LDAF1: variants seen among roughly 807,000 people sequenced by gnomAD.
The protein encoded by LDAF1 is lipid droplet assembly factor 1.
Under a neutral mutation model 13.5 loss-of-function variants are expected in LDAF1, and 7 were observed. The observed-to-expected ratio is 0.52, with a 90% CI of 0.29 to 0.97. LDAF1 has a LOEUF of 0.97. LDAF1 is among the 50% of genes least tolerant of loss of function. The pLI is 0.07. For missense variants in LDAF1, 148 were observed against 193.2 expected (o/e 0.77, Z 1.39); for synonymous variants, 69 against 77.1 (o/e 0.89, Z 0.55).
chr16:21,170,748 C>T lies in LDAF1; in HGVS notation c.265+143C>T, dbSNP rs368533319. Reference sequence around the variant, plus strand: ...CTCAAACTCCTGGGCTCAAGTGATCCTCCCACGTCGGCCTGCCAAAGTGCT... The same window carrying T: ...CTCAAACTCCTGGGCTCAAGTGATCTTCCCACGTCGGCCTGCCAAAGTGCT... On this transcript the variant is annotated intron_variant, in intron 3 of 4. Coordinates refer to ENST00000233047, the MANE Select transcript of LDAF1 (RefSeq NM_001301771.2). The T allele has an allele frequency of 1.9e-4, 185 of 986,050 alleles. 6 individuals are homozygous for T. The South Asian group carries it at 2.2e-3, about 12-fold the overall frequency. 61.1% of individuals were successfully genotyped at this position (986,050 alleles called of 1,614,324 possible).
At chr16:21,168,759 A>ATTATAAATATTTTTATATTTATATTT (rs1382891930) in intron 2 of LDAF1, among the ~76,000 whole-genome samples, 3 of 132,518 alleles carry the variant, frequency 2.3e-5, no homozygotes, top group African/African-American at 5.7e-5. Context: ...ATATATTATA[A>ATTATAAATATTTTTATATTTATATTT]TTATAAATAT....
chr16:21,159,998 G>GT (rs1354244230), intron 1 of LDAF1: 1 of 983,860 alleles, frequency 1.0e-6, no homozygotes, highest in African/African-American at 1.8e-5. Flanking sequence ...AGGGTTTCTT[G>GT]TTTTACAAAA....
intron 2 of LDAF1, among the ~76,000 whole-genome samples, chr16:21,161,935 A>G (rs1248688702): frequency 1.3e-5 from 2 of 152,134 alleles, no homozygotes; most frequent in Non-Finnish European, 2.9e-5. Context: ...AGGTGGGTGG[A>G]TCACTTGAGA....
rs771794455 is a variant in LDAF1, at chr16:21,174,078, G to A, written c.334G>A (p.Ala112Thr). 69 of 1,613,900 alleles carry A rather than the reference G, an allele frequency of 4.3e-5. No homozygotes were observed. Among genetic ancestry groups the A allele is most frequent in the East Asian group, 6.7e-5 (3 of 44,888 alleles). ...ILCGLGFVSL[A>T]MSGMMIASYV... ...CTGTGGTTTGGGCTTCGTATCACTC[G>A]CCATGTCGGGGATGATGATAGCATC... is the stretch of plus-strand genomic sequence containing the variant. Residue 112 changes from alanine to threonine, a missense_variant, in exon 4 of 5, where the codon GCC becomes ACC. Transcript: ENST00000233047.
chr16:21,179,281 C>G (rs2093163706), intron 4 of LDAF1, 194 bp from the exon 5 acceptor site: 7 of 858,176 alleles, frequency 8.2e-6, no homozygotes, highest in Middle Eastern at 5.9e-4. Flanking sequence ...GGCCGTAACC[C>G]TACTCCTAAC....
At chr16:21,163,840 C>T (rs1315775546) in intron 2 of LDAF1, among the ~76,000 whole-genome samples, 3 of 136,292 alleles carry the variant, frequency 2.2e-5, no homozygotes, top group East Asian at 2.3e-4. Flanking sequence ...TTAATAGTCA[C>T]GTTCACCTGC....
intron 1 of LDAF1, chr16:21,160,055 A>G (rs2092950974): frequency 1.3e-6 from 1 of 748,416 alleles, no homozygotes; most frequent in Non-Finnish European, 1.6e-6. Flanking sequence ...AATGTGCTTT[A>G]ATTTGCATAC....
In LDAF1 at chr16:21,170,359, C is replaced by A. The variant is rs2093074885; in HGVS notation, c.97-78C>A. 3.2e-6 allele frequency: 5 copies of A among 1,587,126 alleles called. No homozygotes were observed. The East Asian group carries it at 9.0e-5, about 28-fold the overall frequency. On this transcript the variant is annotated intron_variant, in intron 2 of 4. Transcript: ENST00000233047. The stretch of plus-strand genomic sequence containing the variant: ...GCTTTACGACTTCTGCCTTGTAATT[C>A]CCACAGCTTGGGCAGATTCATTCAA...
rs916440794 is a variant in LDAF1 at position 21,168,707 on chromosome 16, AATT to A, written c.97-1727_97-1725del. Among the ~76,000 whole-genome samples, 391 of 130,566 alleles carry A rather than the reference AATT, an allele frequency of 3.0e-3. 1 individual carries two copies. Among genetic ancestry groups the A allele is most frequent in the African/African-American group, 0.012 (371 of 31,750 alleles). 85.7% of individuals were successfully genotyped at this position (130,566 alleles called of 152,430 possible). On this transcript the variant is annotated intron_variant, in intron 2 of 4. Transcript: ENST00000233047. ...ACATTACAATTATATTTTTATATAT[AATT>A]ATATATATATTTTTAATATTATATT...
At chr16:21,166,843 C>A (rs2093028777) in intron 2 of LDAF1, 1 of 1,535,584 alleles carries the variant, frequency 6.5e-7, no homozygotes, top group African/African-American at 1.4e-5. Context: ...CTTTCAGCTG[C>A]CCCAACACAG....
intron 3 of LDAF1, among the ~76,000 whole-genome samples, chr16:21,172,113 C>T (rs2093094134): frequency 6.6e-6 from 1 of 151,010 alleles, no homozygotes; most frequent in Non-Finnish European, 1.5e-5. Context: ...TTCAAGACCA[C>T]TCTGGGCAAC....
intron 2 of LDAF1, among the ~76,000 whole-genome samples, chr16:21,163,305 A>G (rs1245131802): frequency 1.3e-5 from 2 of 152,186 alleles, no homozygotes; most frequent in Non-Finnish European, 1.5e-5. Flanking sequence ...TGTACGTGGC[A>G]GGTGACTCCA....
chr16:21,179,630 A>T lies in LDAF1; in HGVS notation c.*74A>T. 8 of 1,388,486 alleles carry T rather than the reference A, an allele frequency of 5.8e-6. No individual in the cohort carries two copies. Among genetic ancestry groups the T allele is most frequent in the Non-Finnish European group, 7.0e-6 (7 of 997,136 alleles). The allele number at this position is 1,388,486 out of a possible 1,614,324, so 86.0% of individuals were successfully genotyped here. A position where few individuals can be genotyped will look rare whatever the true frequency, so the allele number is the denominator to read the frequency against. ...TCACCCCTTGGGATTATGGCTTAGA[A>T]GAAGGGGGCTGGGTAGGCAAGCACT... On this transcript the variant is annotated 3_prime_UTR_variant, in exon 5 of 5. Coordinates refer to ENST00000233047, the MANE Select transcript of LDAF1 (RefSeq NM_001301771.2).
At chr16:21,165,600 C>T (rs2093016516) in intron 2 of LDAF1, 1 of 983,912 alleles carries the variant, frequency 1.0e-6, no homozygotes, top group African/African-American at 1.7e-5. Context: ...CTGGACTTGA[C>T]CACAGTATAT....
chr16:21,172,823 G>A, intron 3 of LDAF1: 7 of 985,360 alleles, frequency 7.1e-6, no homozygotes, highest in Non-Finnish European at 7.2e-6. Context: ...TTATGAACAG[G>A]CAGCACACCT....
In LDAF1 at chr16:21,180,524, GCCAC is replaced by G. The variant is rs1225436616; in HGVS notation, c.*969_*972del. The G allele has an allele frequency of 6.6e-6, 1 of 152,206 alleles. No individual in the cohort carries two copies. The highest frequency in any genetic ancestry group is 2.4e-5 in the African/African-American group (1 of 41,438). The allele number at this position is 152,206 out of a possible 1,614,324, so 9.4% of individuals were successfully genotyped here. On this transcript the variant is annotated 3_prime_UTR_variant, in exon 5 of 5. Coordinates refer to ENST00000233047, the MANE Select transcript of LDAF1 (RefSeq NM_001301771.2). Reference sequence around the variant, plus strand: ...CAAAGTGCTGGGATTACAGGCGTGAGCCACTGTGCCCAGCCTAAGCCATTTCTTA... The same window carrying G: ...CAAAGTGCTGGGATTACAGGCGTGAGTGTGCCCAGCCTAAGCCATTTCTTA...
intron 2 of LDAF1, among the ~76,000 whole-genome samples, chr16:21,165,920 C>G (rs1264494171): frequency 1.3e-5 from 2 of 152,194 alleles, no homozygotes; most frequent in African/African-American, 4.8e-5. Flanking sequence ...AGTACAGTGG[C>G]GTGATCTCGG....
intron 2 of LDAF1, among the ~76,000 whole-genome samples, chr16:21,168,802 A>G (rs2093053895): frequency 7.6e-6 from 1 of 132,014 alleles, no homozygotes; most frequent in South Asian, 2.2e-4. Flanking sequence ...ATATAATTAT[A>G]TTTTTATATA....
At chr16:21,163,489 AC>A (rs1012257295) in intron 2 of LDAF1, among the ~76,000 whole-genome samples, 26 of 152,258 alleles carry the variant, frequency 1.7e-4, no homozygotes, top group African/African-American at 6.0e-4. Context: ...TACGAAAAAT[AC>A]AAAAATTAGC....
Sources: allele counts gnomAD v4.1 joint callset (sites outside exome capture counted in the v4.1 genomes callset), GRCh38; gene constraint gnomAD v4.1.1; transcripts MANE v1.5; gene names NCBI Gene and HGNC (gene_info 2026-07-23, HGNC 2026-07-21).